Variants in PLCB1 observed in about 807,000 individuals in gnomAD.
The protein encoded by PLCB1 is phospholipase C beta 1.
A neutral mutation model predicts 161.8 loss-of-function variants in PLCB1; 46 were observed. That is an observed-to-expected ratio of 0.28 (90% CI 0.22 to 0.36). The LOEUF is 0.36. PLCB1 is among the 10% of genes least tolerant of loss of function. The pLI, the probability that PLCB1 is intolerant of heterozygous loss-of-function variation, is 1.00. For synonymous variants in PLCB1, 517 were observed against 503.7 expected (o/e 1.03, Z -0.35); for missense variants, 1,016 against 1,472.5 (o/e 0.69, Z 5.07).
At chr20:8,199,423 T>A (rs949423326) in intron 2 of PLCB1, among the ~76,000 whole-genome samples, 15 of 152,174 alleles carry the variant, frequency 9.9e-5, no homozygotes, top group African/African-American at 3.6e-4. Flanking sequence ...CAATTTCAAC[T>A]TCCACCATGA....
chr20:8,691,589 C>A (rs993504761), intron 10 of PLCB1, among the ~76,000 whole-genome samples: 7 of 152,026 alleles, frequency 4.6e-5, no homozygotes, highest in African/African-American at 1.7e-4. Context: ...GACTAATATT[C>A]CTGAAAAATG....
At chr20:8,740,640 C>T (rs954122458) in intron 22 of PLCB1, among the ~76,000 whole-genome samples, 192 bp downstream of exon 22, 4 of 152,128 alleles carry the variant, frequency 2.6e-5, no homozygotes, top group African/African-American at 2.4e-5. Flanking sequence ...TTTAATTTAA[C>T]GTATTTTAAT....
chr20:8,453,910 G>A (rs1288182292), intron 3 of PLCB1, among the ~76,000 whole-genome samples: 3 of 151,982 alleles, frequency 2.0e-5, no homozygotes, highest in Non-Finnish European at 2.9e-5. Context: ...AAGTAATTAA[G>A]GTTAAATGAG....
At chr20:8,521,647 T>G (rs1230327484) in intron 3 of PLCB1, among the ~76,000 whole-genome samples, 1 of 152,252 alleles carries the variant, frequency 6.6e-6, no homozygotes, top group South Asian at 2.1e-4. Context: ...GAGGCTGCAG[T>G]GAATTGTGAT....
At position 8,644,355 on chromosome 20, in the gene PLCB1, C is replaced by T. The variant is rs1380595244; in HGVS notation, c.385-1747C>T. ...CATCCCATCTAGGAAGTGAGGAGCG[C>T]CTCTTCCCGGCCGCCATCCCATCTA... is the stretch of plus-strand genomic sequence containing the variant. On this transcript the variant is annotated intron_variant, in intron 4 of 31. Transcript: ENST00000338037. Among the ~76,000 whole-genome samples, 62 of 147,702 alleles carry T rather than the reference C, an allele frequency of 4.2e-4. No homozygotes were observed. In the East Asian group the frequency reaches 5.2e-3, roughly 12 times the overall value.
At chr20:8,740,256 A>T in intron 21 of PLCB1, 88 bp from the exon 22 acceptor site, 1 of 706,286 alleles carries the variant, frequency 1.4e-6, no homozygotes, top group Non-Finnish European at 2.4e-6. Context: ...GTAACCTGAA[A>T]TACATGCTTT....
intron 3 of PLCB1, among the ~76,000 whole-genome samples, chr20:8,431,409 A>AGGAGAG (rs1199841450): frequency 6.6e-6 from 1 of 152,218 alleles, no homozygotes; most frequent in African/African-American, 2.4e-5. Context: ...CAGAAGCAGA[A>AGGAGAG]GGAGAGGGAG....
chr20:8,625,711 C>G (rs1988319278), intron 3 of PLCB1, among the ~76,000 whole-genome samples: 1 of 152,060 alleles, frequency 6.6e-6, no homozygotes, highest in African/African-American at 2.4e-5. Flanking sequence ...TACACAGAAA[C>G]CTTTTTAAAT....
intron 3 of PLCB1, among the ~76,000 whole-genome samples, chr20:8,582,736 C>T (rs1194094517): frequency 2.0e-5 from 3 of 152,018 alleles, no homozygotes; most frequent in Non-Finnish European, 1.5e-5. Context: ...GCCTGTAATC[C>T]CAGAACTTTG....
At chr20:8,186,012 T>C (rs1240262106) in intron 2 of PLCB1, among the ~76,000 whole-genome samples, 1 of 152,212 alleles carries the variant, frequency 6.6e-6, no homozygotes, top group African/African-American at 2.4e-5. Context: ...GTTAGTAGTA[T>C]TCCAGTGTCC....
intron 3 of PLCB1, among the ~76,000 whole-genome samples, chr20:8,469,252 G>A (rs1381415223): frequency 6.6e-6 from 1 of 152,132 alleles, no homozygotes; most frequent in Non-Finnish European, 1.5e-5. Context: ...TGGAAAGAAA[G>A]TTTCATAGTA....
intron 3 of PLCB1, among the ~76,000 whole-genome samples, chr20:8,607,341 C>T (rs958343289): frequency 1.3e-5 from 2 of 152,192 alleles, no homozygotes; most frequent in African/African-American, 2.4e-5. Context: ...AATCATTTCA[C>T]TCCCCTGCAT....
chr20:8,231,806 T>C (rs562219065), intron 2 of PLCB1, among the ~76,000 whole-genome samples: 1 of 152,222 alleles, frequency 6.6e-6, no homozygotes, highest in African/African-American at 2.4e-5. Flanking sequence ...AGTAGAGGGA[T>C]AGACAAAATT....
At chr20:8,685,559 T>C (rs1192791299) in intron 10 of PLCB1, among the ~76,000 whole-genome samples, 1 of 93,498 alleles carries the variant, frequency 1.1e-5, no homozygotes, top group Non-Finnish European at 2.3e-5. Context: ...CCCCTGTCTC[T>C]ACTAAAAATA....
At chr20:8,714,748 C>T (rs1293705019) in intron 12 of PLCB1, among the ~76,000 whole-genome samples, 2 of 152,138 alleles carry the variant, frequency 1.3e-5, no homozygotes, top group Admixed American at 6.5e-5. Context: ...TCCTTTGAAT[C>T]TCTCCTTAGC....
At chr20:8,326,242 G>T (rs1313204797) in intron 2 of PLCB1, among the ~76,000 whole-genome samples, 1 of 152,152 alleles carries the variant, frequency 6.6e-6, no homozygotes, top group Non-Finnish European at 1.5e-5. Flanking sequence ...ATTATATAGT[G>T]ATATATTGAC....
chr20:8,732,414 A>G (rs1980301681), intron 18 of PLCB1, among the ~76,000 whole-genome samples: 1 of 151,874 alleles, frequency 6.6e-6, no homozygotes, highest in African/African-American at 2.4e-5. Flanking sequence ...ATCACTGATC[A>G]TGGCTTCAAA....
chr20:8,797,136 G>T (rs1022089177), intron 31 of PLCB1, among the ~76,000 whole-genome samples: 1 of 152,074 alleles, frequency 6.6e-6, no homozygotes, highest in African/African-American at 2.4e-5. Flanking sequence ...GCACACTGAA[G>T]ATAAACTTCC....
In PLCB1 at chr20:8,318,688, A is replaced by G. The variant is rs200895962; in HGVS notation, c.178-52694A>G. 3.9e-5 allele frequency among the ~76,000 whole-genome samples: 6 copies of G among 151,902 alleles called. No individual in the cohort carries two copies. The East Asian group carries it at 1.2e-3, about 29-fold the overall frequency. ...TCTGTCTATACCCACTCCTGTGTTTATTTTTTTTGGGTTGTGTGACAATAT... is the reference window on the plus strand; with the variant it reads ...TCTGTCTATACCCACTCCTGTGTTTGTTTTTTTTGGGTTGTGTGACAATAT... On this transcript the variant is annotated intron_variant, in intron 2 of 31. Transcript: ENST00000338037.
Sources: allele counts gnomAD v4.1 joint callset (sites outside exome capture counted in the v4.1 genomes callset), GRCh38; gene constraint gnomAD v4.1.1; transcripts MANE v1.5; gene names NCBI Gene and HGNC (gene_info 2026-07-23, HGNC 2026-07-21).